Variants in FHOD3 observed in about 807,000 individuals in gnomAD.
The protein encoded by FHOD3 is formin homology 2 domain containing 3, also known as FH1/FH2 domain-containing protein 3.
FHOD3 carries 90 observed loss-of-function variants against 173.0 expected under a neutral mutation model. The observed-to-expected ratio is 0.52, with a 90% CI of 0.44 to 0.62. The LOEUF is 0.62. Among genes scored for constraint, FHOD3 ranks in the 20% least tolerant of loss-of-function variants. The pLI is 0.00. For missense variants in FHOD3, 1,945 were observed against 2,034.7 expected, an observed-to-expected ratio of 0.96 and a Z score of 0.85; for synonymous variants, 828 against 823.0, an observed-to-expected ratio of 1.01 and a Z score of -0.10.
intron 1 of FHOD3, among the ~76,000 whole-genome samples, chr18:36,353,654 A>G (rs1270508334): frequency 6.6e-6 from 1 of 152,210 alleles, no homozygotes; most frequent in Non-Finnish European, 1.5e-5. Flanking sequence ...TGAGGGTATA[A>G]GTTTAGATTT....
chr18:36,436,986 T>C (rs770733603), intron 3 of FHOD3, among the ~76,000 whole-genome samples: 1 of 152,236 alleles, frequency 6.6e-6, no homozygotes, highest in Non-Finnish European at 1.5e-5. Context: ...CCCCTGCAAG[T>C]AGCTTGGTTT....
At chr18:36,303,373 A>G (rs754730838) in intron 1 of FHOD3, among the ~76,000 whole-genome samples, 6 of 152,136 alleles carry the variant, frequency 3.9e-5, no homozygotes, top group Non-Finnish European at 8.8e-5. Context: ...GGTAGGGTTG[A>G]CTGCATTGCC....
chr18:36,524,212 G>A (rs1310355521), intron 5 of FHOD3, among the ~76,000 whole-genome samples: 3 of 151,382 alleles, frequency 2.0e-5, no homozygotes, highest in Non-Finnish European at 4.4e-5. Flanking sequence ...AATTCAGGAA[G>A]CGGAGGTTGC....
At chr18:36,604,043 G>A (rs576627948) in intron 8 of FHOD3, among the ~76,000 whole-genome samples, 3 of 152,242 alleles carry the variant, frequency 2.0e-5, no homozygotes, top group South Asian at 4.1e-4. Flanking sequence ...CCACCTTGTA[G>A]GGCAGTCTTG....
chr18:36,323,217 G>T (rs1332566224), intron 1 of FHOD3, among the ~76,000 whole-genome samples: 1 of 152,230 alleles, frequency 6.6e-6, no homozygotes, highest in Non-Finnish European at 1.5e-5. Flanking sequence ...AGGGCTGGGA[G>T]TCTCTGACAG....
intron 1 of FHOD3, among the ~76,000 whole-genome samples, chr18:36,318,387 A>C (rs193182009): frequency 1.1e-4 from 16 of 151,840 alleles, no homozygotes; most frequent in Admixed American, 6.6e-4. Flanking sequence ...TTGTTTGTGT[A>C]CTCTTTTATT....
At chr18:36,551,561 G>A (rs1205583873) in intron 5 of FHOD3, among the ~76,000 whole-genome samples, 1 of 152,114 alleles carries the variant, frequency 6.6e-6, no homozygotes, top group African/African-American at 2.4e-5. Flanking sequence ...TTTTAGTCAT[G>A]AAGTCCTTGC....
chr18:36,699,011 C>T (rs1477247108), intron 17 of FHOD3, among the ~76,000 whole-genome samples: 2 of 152,130 alleles, frequency 1.3e-5, no homozygotes, highest in Non-Finnish European at 2.9e-5. Flanking sequence ...GGGCAATAAA[C>T]CAACCAGATC....
intron 28 of FHOD3, among the ~76,000 whole-genome samples, chr18:36,772,337 G>T (rs1309853249): frequency 6.6e-6 from 1 of 152,320 alleles, no homozygotes; most frequent in Non-Finnish European, 1.5e-5. Context: ...GAGGTTAAAG[G>T]AACAACAAAA....
intron 5 of FHOD3, among the ~76,000 whole-genome samples, chr18:36,564,688 G>A (rs1228855784): frequency 6.6e-6 from 1 of 152,194 alleles, no homozygotes; most frequent in Admixed American, 6.5e-5. Context: ...AAGCACATCA[G>A]TGTCAGTGTT....
intron 4 of FHOD3, among the ~76,000 whole-genome samples, chr18:36,510,407 C>G (rs1002751392): frequency 6.6e-6 from 1 of 152,100 alleles, no homozygotes; most frequent in South Asian, 2.1e-4. Context: ...TTCCTGAGTG[C>G]CTTATCTACA....
chr18:36,395,496 G>A (rs1344191713), intron 3 of FHOD3, among the ~76,000 whole-genome samples: 1 of 152,116 alleles, frequency 6.6e-6, no homozygotes, highest in Non-Finnish European at 1.5e-5. Context: ...TCATTCTCGA[G>A]TTGGGGAGTC....
chr18:36,578,821 C>T (rs1440090677), intron 6 of FHOD3, among the ~76,000 whole-genome samples: 1 of 152,138 alleles, frequency 6.6e-6, no homozygotes, highest in Non-Finnish European at 1.5e-5. Flanking sequence ...CCCATGGGGT[C>T]CCATATCCGT....
intron 1 of FHOD3, among the ~76,000 whole-genome samples, chr18:36,354,572 C>T (rs1198448418): frequency 3.3e-5 from 5 of 152,046 alleles, no homozygotes; most frequent in Admixed American, 6.6e-5. Context: ...GAGGCCGAGG[C>T]GGGTGGATCA....
chr18:36,704,299 G>A lies in FHOD3; in HGVS notation c.2237-4796G>A, dbSNP rs545391748. Among the ~76,000 whole-genome samples, 6 of 152,322 alleles carry A rather than the reference G, an allele frequency of 3.9e-5. No individual in the cohort carries two copies. In the East Asian group the frequency reaches 7.7e-4, roughly 20 times the overall value. On this transcript the variant is annotated intron_variant, in intron 17 of 28. Transcript: ENST00000590592. The stretch of plus-strand genomic sequence containing the variant: ...CGATGCTGAGACCCCATCGATCTGC[G>A]CTCTTGGGCTGTGACCCAGGAAGAC...
intron 10 of FHOD3, among the ~76,000 whole-genome samples, chr18:36,632,942 A>G (rs75888807): frequency 0.026 from 3,896 of 152,248 alleles, 175 homozygotes; most frequent in African/African-American, 0.09. Context: ...GGCCAAGCAG[A>G]TGCCTTAAGA....
chr18:36,638,559 G>A (rs11875351), intron 10 of FHOD3, among the ~76,000 whole-genome samples: 285 of 152,304 alleles, frequency 1.9e-3, no homozygotes, highest in African/African-American at 6.2e-3. Flanking sequence ...GACATAGGTC[G>A]TGGCTATTGA....
intron 3 of FHOD3, among the ~76,000 whole-genome samples, chr18:36,489,517 TA>T: frequency 6.6e-6 from 1 of 152,030 alleles, no homozygotes; most frequent in Admixed American, 6.6e-5. Flanking sequence ...ACAAAAAATT[TA>T]AAAATTAGCC....
chr18:36,687,123 A>G lies in FHOD3; in HGVS notation c.1971-5A>G, dbSNP rs558904050. The stretch of plus-strand genomic sequence containing the variant: ...CTGTTTGTTTGTTCTACATATTTCC[A>G]TTAGCCGAGATTATTTAGACAAAAG... On this transcript the variant is annotated splice_polypyrimidine_tract_variant and splice_region_variant and intron_variant, in intron 15 of 28. Coordinates refer to ENST00000590592, the MANE Select transcript of FHOD3 (RefSeq NM_001281740.3). 6.2e-6 allele frequency: 10 copies of G among 1,606,752 alleles called. No homozygotes were observed. The African/African-American group carries it at 9.3e-5, about 15-fold the overall frequency.
Sources: allele counts gnomAD v4.1 joint callset (sites outside exome capture counted in the v4.1 genomes callset), GRCh38; gene constraint gnomAD v4.1.1; transcripts MANE v1.5; gene names NCBI Gene and HGNC (gene_info 2026-07-23, HGNC 2026-07-21).